Variants in CHL1 observed in about 807,000 individuals in gnomAD.
The protein encoded by CHL1 is neural cell adhesion molecule L1-like protein.
CHL1 carries 96 observed loss-of-function variants against 141.9 expected under a neutral mutation model. That is an observed-to-expected ratio of 0.68 (90% CI 0.57 to 0.80). CHL1 has a LOEUF of 0.80. Among genes scored for constraint, CHL1 ranks in the 30% least tolerant of loss-of-function variants. The probability of loss-of-function intolerance (pLI) is 0.00; values close to 1 mark genes in which losing one functional copy is unlikely to be tolerated. For missense variants in CHL1, 1,820 were observed against 1,457.2 expected (o/e 1.25, Z -4.05); for synonymous variants, 613 against 502.2 (o/e 1.22, Z -2.95).
At chr3:342,567 G>A (rs539415856) in intron 7 of CHL1, among the ~76,000 whole-genome samples, 51 of 152,260 alleles carry the variant, frequency 3.3e-4, no homozygotes, top group Non-Finnish European at 6.2e-4. Flanking sequence ...GTAATTAGAG[G>A]GAGGAAGAAC....
chr3:405,932 C>T lies in CHL1; in HGVS notation c.*221C>T. The T allele has an allele frequency of 2.2e-6, 1 of 452,408 alleles. No individual in the cohort carries two copies. The highest frequency in any genetic ancestry group is 2.0e-5 in the African/African-American group (1 of 50,550). 28.0% of individuals were successfully genotyped at this position (452,408 alleles called of 1,614,324 possible). On this transcript the variant is annotated 3_prime_UTR_variant, in exon 28 of 28. Coordinates refer to ENST00000256509, the MANE Select transcript of CHL1 (RefSeq NM_006614.4). ...TTTGCTTATATTGTTTTCAGGTGCT[C>T]AAAATGCAAAACACAAAACAAATCC...
intron 1 of CHL1, among the ~76,000 whole-genome samples, chr3:228,110 G>A (rs1280975194): frequency 6.6e-6 from 1 of 152,148 alleles, no homozygotes; most frequent in Non-Finnish European, 1.5e-5. Context: ...ACCATAGCTG[G>A]AGTGAAAGAA....
At chr3:370,509 AGTC>A in intron 15 of CHL1, among the ~76,000 whole-genome samples, 1 of 146,614 alleles carries the variant, frequency 6.8e-6, no homozygotes, top group Non-Finnish European at 1.5e-5. Context: ...CAGTCTAGCT[AGTC>A]ATCTATCTAT....
chr3:341,064 A>T (rs1443287584), intron 6 of CHL1, 148 bp downstream of exon 6: 1 of 833,766 alleles, frequency 1.2e-6, no homozygotes, highest in Non-Finnish European at 1.8e-6. Flanking sequence ...ATATGATAAG[A>T]TTTGTCTGTG....
intron 1 of CHL1, among the ~76,000 whole-genome samples, chr3:198,438 A>G: frequency 6.6e-6 from 1 of 152,144 alleles, no homozygotes; most frequent in East Asian, 1.9e-4. Context: ...GGCTCGCTCT[A>G]GGCGGAGGCT....
chr3:252,583 G>T (rs751048359), intron 2 of CHL1, among the ~76,000 whole-genome samples: 4 of 151,318 alleles, frequency 2.6e-5, no homozygotes, highest in Non-Finnish European at 3.0e-5. Context: ...ATTCAAGTTC[G>T]ATTGTATATT....
intron 2 of CHL1, among the ~76,000 whole-genome samples, chr3:261,035 T>G (rs1254565258): frequency 2.6e-5 from 4 of 152,162 alleles, no homozygotes; most frequent in Admixed American, 1.3e-4. Context: ...TTCTGAATGA[T>G]GACCTAAGCT....
At chr3:364,613 C>G (rs1433696154) in intron 14 of CHL1, among the ~76,000 whole-genome samples, 1 of 151,914 alleles carries the variant, frequency 6.6e-6, no homozygotes, top group Non-Finnish European at 1.5e-5. Context: ...ATATACGAAT[C>G]GTATCAATGG....
At chr3:228,777 T>A (rs1701605803) in intron 1 of CHL1, among the ~76,000 whole-genome samples, 1 of 152,194 alleles carries the variant, frequency 6.6e-6, no homozygotes, top group Non-Finnish European at 1.5e-5. Context: ...AATCCTCTAC[T>A]TTGAAATCAG....
intron 2 of CHL1, among the ~76,000 whole-genome samples, chr3:276,254 T>C (rs1447249092): frequency 2.0e-5 from 3 of 152,192 alleles, no homozygotes; most frequent in African/African-American, 4.8e-5. Context: ...TCATATTGTA[T>C]ATGATTTGTG....
chr3:238,802 G>A (rs1055903724), intron 1 of CHL1, among the ~76,000 whole-genome samples: 10 of 151,740 alleles, frequency 6.6e-5, no homozygotes, highest in African/African-American at 2.2e-4. Context: ...ATGTGGTGGC[G>A]GGTGTCTGTA....
intron 2 of CHL1, among the ~76,000 whole-genome samples, chr3:279,272 TTTTTCTTTTC>T (rs752092113): frequency 1.3e-5 from 2 of 152,170 alleles, no homozygotes; most frequent in Non-Finnish European, 2.9e-5. Flanking sequence ...TCTTGCATCA[TTTTTCTTTTC>T]TTTTCTTTTC....
chr3:297,779 T>A (rs994898516), intron 2 of CHL1, among the ~76,000 whole-genome samples: 1 of 152,220 alleles, frequency 6.6e-6, no homozygotes, highest in Non-Finnish European at 1.5e-5. Flanking sequence ...GCTCCGTTCT[T>A]GCCTCATCTC....
At chr3:249,022 A>G (rs1463789879) in intron 2 of CHL1, among the ~76,000 whole-genome samples, 5 of 152,212 alleles carry the variant, frequency 3.3e-5, no homozygotes, top group Admixed American at 3.3e-4. Flanking sequence ...TTTTTGCCCT[A>G]AGGCAATTCT....
At chr3:201,380 C>G (rs1698921276) in intron 1 of CHL1, among the ~76,000 whole-genome samples, 1 of 152,168 alleles carries the variant, frequency 6.6e-6, no homozygotes, top group Non-Finnish European at 1.5e-5. Flanking sequence ...GGGACATATT[C>G]CGTTTTCAAT....
rs551386351 is a variant in CHL1, at chr3:382,859, A to T, written c.2176+188A>T. The T allele has an allele frequency of 8.7e-6, 5 of 577,762 alleles. No homozygotes were observed. The East Asian group carries it at 1.4e-4, about 16-fold the overall frequency. The allele number at this position is 577,762 out of a possible 1,614,324, so 35.8% of individuals were successfully genotyped here. ...TTCAGAAGTGTTACATACGAGTTCG[A>T]TAAAAGCAGGAAATTAGGGGAGTGA... On this transcript the variant is annotated intron_variant, in intron 18 of 27. Coordinates refer to ENST00000256509, the MANE Select transcript of CHL1 (RefSeq NM_006614.4).
intron 3 of CHL1, among the ~76,000 whole-genome samples, chr3:324,325 C>T (rs996948968): frequency 6.6e-6 from 1 of 152,026 alleles, no homozygotes; most frequent in African/African-American, 2.4e-5. Flanking sequence ...ACTTTATTTG[C>T]CAAAGTCAGG....
At chr3:223,027 C>A (rs1247851758) in intron 1 of CHL1, among the ~76,000 whole-genome samples, 2 of 152,162 alleles carry the variant, frequency 1.3e-5, no homozygotes, top group Non-Finnish European at 2.9e-5. Flanking sequence ...CATTGGCCCA[C>A]CCACATAATC....
At chr3:236,603 C>T (rs771817964) in intron 1 of CHL1, among the ~76,000 whole-genome samples, 12 of 152,104 alleles carry the variant, frequency 7.9e-5, no homozygotes, top group South Asian at 2.1e-4. Context: ...CTATTGTGTA[C>T]GATTTGCCCT....
Sources: allele counts gnomAD v4.1 joint callset (sites outside exome capture counted in the v4.1 genomes callset), GRCh38; gene constraint gnomAD v4.1.1; transcripts MANE v1.5; gene names NCBI Gene and HGNC (gene_info 2026-07-23, HGNC 2026-07-21).